The following ARSG variants were observed in gnomAD, a reference collection of about 807,000 sequenced individuals.
ARSG encodes arylsulfatase G, also known as ASG.
Under a neutral mutation model 50.5 loss-of-function variants are expected in ARSG, and 37 were observed. The observed-to-expected ratio is 0.73, with a 90% CI of 0.56 to 0.96. The LOEUF (loss-of-function observed/expected upper bound fraction) is 0.96. Ranked by LOEUF, ARSG falls within the 50% of genes least tolerant of loss-of-function variation. The pLI is 0.00. For synonymous variants in ARSG, 225 were observed against 254.6 expected (o/e 0.88, Z 1.11); for missense variants, 629 against 675.3 (o/e 0.93, Z 0.76).
chr17:68,354,412 C>CAAA (rs1011747696), intron 5 of ARSG, among the ~76,000 whole-genome samples: 59 of 95,316 alleles, frequency 6.2e-4, no homozygotes, highest in African/African-American at 2.5e-3. Context: ...GATCCTGTCT[C>CAAA]AAAAAAAAAA....
At chr17:68,384,290 A>T (rs763521656) in intron 8 of ARSG, among the ~76,000 whole-genome samples, 39 of 152,298 alleles carry the variant, frequency 2.6e-4, no homozygotes, top group Admixed American at 5.9e-4. Context: ...ACATGTATTC[A>T]GGATGTTTCC....
At chr17:68,315,219 A>G (rs1376336253) in intron 2 of ARSG, among the ~76,000 whole-genome samples, 2 of 152,142 alleles carry the variant, frequency 1.3e-5, no homozygotes, top group East Asian at 3.9e-4. Flanking sequence ...GAATCCATCA[A>G]GATTTGGCCA....
intron 1 of ARSG, chr17:68,274,052 A>G: frequency 6.2e-7 from 1 of 1,613,848 alleles, no homozygotes. Flanking sequence ...ACGATTGCTC[A>G]GGACTGTGGC....
intron 3 of ARSG, among the ~76,000 whole-genome samples, chr17:68,344,209 C>G (rs898986009): frequency 1.3e-5 from 2 of 152,216 alleles, no homozygotes. Context: ...GATGGCTCAG[C>G]TCTGCCTGCA....
At chr17:68,417,108 T>C (rs147418338) in intron 11 of ARSG, among the ~76,000 whole-genome samples, 12 of 152,288 alleles carry the variant, frequency 7.9e-5, no homozygotes, top group African/African-American at 2.9e-4. Context: ...GGGTAGGTTA[T>C]TATTAAGTCT....
At chr17:68,277,951 TGTTA>T in intron 1 of ARSG, 1 of 619,296 alleles carries the variant, frequency 1.6e-6, no homozygotes, top group Non-Finnish European at 2.8e-6. Context: ...CTGAAAACCC[TGTTA>T]GTCAGGGCTA....
the ARSG span, among the ~76,000 whole-genome samples, chr17:68,431,121 C>T: frequency 3.3e-5 from 5 of 152,140 alleles, no homozygotes; most frequent in East Asian, 1.9e-4. Context: ...AAGAGGTGTA[C>T]GATCCAGACC....
At chr17:68,408,664 G>C (rs2081859692) in intron 11 of ARSG, among the ~76,000 whole-genome samples, 1 of 152,102 alleles carries the variant, frequency 6.6e-6, no homozygotes, top group African/African-American at 2.4e-5. Context: ...TGGGTGAAAT[G>C]GTATTTCTAG....
chr17:68,391,938 T>C (rs180901669), intron 9 of ARSG, among the ~76,000 whole-genome samples: 1 of 152,244 alleles, frequency 6.6e-6, no homozygotes, highest in African/African-American at 2.4e-5. Flanking sequence ...GGGTTGTAGG[T>C]AGAGCCCTGG....
In ARSG at chr17:68,395,144, G is replaced by A. The variant is rs1275568223; in HGVS notation, c.1163G>A (p.Gly388Asp). 4 of 1,614,030 alleles carry A rather than the reference G, an allele frequency of 2.5e-6. No individual in the cohort carries two copies. Among genetic ancestry groups the A allele is most frequent in the African/African-American group, 2.7e-5 (2 of 74,932 alleles). ...ASLPQGRRFDGVDVSEVLFGR... is the reference protein window; with the variant it reads ...ASLPQGRRFDDVDVSEVLFGR... Reference sequence around the variant, plus strand: ...TTACCTCAAGGACGGCGCTTTGATGGTGTGGACGTCTCCGAGGTGCTCTTT... The same window carrying A: ...TTACCTCAAGGACGGCGCTTTGATGATGTGGACGTCTCCGAGGTGCTCTTT... Residue 388 changes from glycine (G) to aspartate (D), a missense_variant, in exon 10 of 12, where the codon GGT becomes GAT. Transcript: ENST00000621439.
chr17:68,268,197 G>A (rs2075214263), intron 1 of ARSG: 1 of 152,448 alleles, frequency 6.6e-6, no homozygotes, highest in African/African-American at 2.4e-5. Flanking sequence ...AGGTAAAAAT[G>A]CTGCTTATGT....
At chr17:68,426,070 C>T (rs370623232), downstream of ARSG, 1 of 1,612,768 alleles carries the variant, frequency 6.2e-7, no homozygotes, top group Admixed American at 1.7e-5. Flanking sequence ...GTTCCTAATG[C>T]TCACAGGAGG....
At chr17:68,427,513 C>T (rs1403215071), downstream of ARSG, 6 of 267,712 alleles carry the variant, frequency 2.2e-5, no homozygotes, top group South Asian at 4.8e-5. Flanking sequence ...CCCACCACAG[C>T]GCCTGGCTAA....
intron 5 of ARSG, among the ~76,000 whole-genome samples, chr17:68,353,317 C>T (rs1599846421): frequency 6.6e-6 from 1 of 152,040 alleles, no homozygotes; most frequent in Admixed American, 6.6e-5. Flanking sequence ...GAGTCCAGAG[C>T]CCATATGCCC....
chr17:68,341,586 T>G (rs375709540), intron 2 of ARSG, among the ~76,000 whole-genome samples: 62 of 152,364 alleles, frequency 4.1e-4, no homozygotes, highest in African/African-American at 1.5e-3. Context: ...TCTCCGTATC[T>G]CAATCCTAGA....
At chr17:68,435,551 C>G in the ARSG span, 5 of 1,486,910 alleles carry the variant, frequency 3.4e-6, no homozygotes, top group South Asian at 5.7e-5. Context: ...TTTGTTCAAT[C>G]CCATCCCTGC....
intron 4 of ARSG, 28 bp from the exon 5 acceptor site, chr17:68,351,547 G>A (rs1294694802): frequency 1.5e-6 from 2 of 1,328,678 alleles, no homozygotes; most frequent in East Asian, 2.3e-5. Context: ...AGCCACGTGG[G>A]GGTGCTAACC....
At chr17:68,318,636 A>G (rs782594551) in intron 2 of ARSG, among the ~76,000 whole-genome samples, 3 of 152,240 alleles carry the variant, frequency 2.0e-5, no homozygotes, top group Non-Finnish European at 4.4e-5. Context: ...GTGACAGCAC[A>G]CTGTAATCAT....
chr17:68,325,106 G>A (rs1379176660), intron 2 of ARSG, among the ~76,000 whole-genome samples: 1 of 152,170 alleles, frequency 6.6e-6, no homozygotes, highest in East Asian at 1.9e-4. Flanking sequence ...GGGCCCTACA[G>A]CAGGAGGTGA....
Sources: gnomAD v4.1 joint callset for allele counts (sites outside exome capture counted in the v4.1 genomes callset) on GRCh38, gnomAD v4.1.1 for gene constraint, MANE v1.5 for transcripts, NCBI Gene and HGNC (gene_info 2026-07-23, HGNC 2026-07-21) for gene names.